Variants in CIDEA observed in about 807,000 individuals in gnomAD.
The protein encoded by CIDEA is lipid transferase CIDEA.
Under a neutral mutation model 18.2 loss-of-function variants are expected in CIDEA, and 10 were observed. The observed-to-expected ratio is 0.55, with a 90% CI of 0.34 to 0.93. The LOEUF (loss-of-function observed/expected upper bound fraction) is 0.93. CIDEA is among the 40% of genes least tolerant of loss of function. The probability of loss-of-function intolerance (pLI) is 0.02; values close to 1 mark genes in which losing one functional copy is unlikely to be tolerated. For synonymous variants in CIDEA, 128 were observed against 124.8 expected, an observed-to-expected ratio of 1.03 and a Z score of -0.17; for missense variants, 309 against 293.1, an observed-to-expected ratio of 1.05 and a Z score of -0.40.
At chr18:12,263,227 C>T (rs895254088) in intron 2 of CIDEA, among the ~76,000 whole-genome samples, 2 of 152,222 alleles carry the variant, frequency 1.3e-5, no homozygotes, top group African/African-American at 4.8e-5. Flanking sequence ...GATCCTCCCA[C>T]CTCAACCTCC....
intron 3 of CIDEA, among the ~76,000 whole-genome samples, chr18:12,265,384 C>T (rs762844567): frequency 2.0e-5 from 3 of 152,246 alleles, no homozygotes; most frequent in Non-Finnish European, 4.4e-5. Flanking sequence ...CCAGGCATCT[C>T]CTCTGGGGTT....
intron 3 of CIDEA, among the ~76,000 whole-genome samples, chr18:12,265,550 C>T (rs1912325322): frequency 6.6e-6 from 1 of 152,222 alleles, no homozygotes; most frequent in African/African-American, 2.4e-5. Flanking sequence ...ACAAGCTGCC[C>T]TCATGAGGGT....
chr18:12,270,894 C>CTTTTTTTTTTTTTTTTTTT (rs771335202), intron 3 of CIDEA, among the ~76,000 whole-genome samples: 62 of 59,986 alleles, frequency 1.0e-3, no homozygotes, highest in Non-Finnish European at 1.3e-3. Context: ...TTTTTCTTTT[C>CTTTTTTTTTTTTTTTTTTT]TTTTTTTTTT....
intron 3 of CIDEA, among the ~76,000 whole-genome samples, chr18:12,265,873 C>T (rs927284167): frequency 6.6e-6 from 1 of 152,060 alleles, no homozygotes; most frequent in Non-Finnish European, 1.5e-5. Flanking sequence ...CTGCCAGGAC[C>T]GCAGATGTTG....
chr18:12,273,900 G>T (rs1170996636), intron 3 of CIDEA, among the ~76,000 whole-genome samples, 193 bp from the exon 4 acceptor site: 1 of 152,216 alleles, frequency 6.6e-6, no homozygotes, highest in Non-Finnish European at 1.5e-5. Context: ...CAGACGCCTC[G>T]TGGCTAATTG....
intron 2 of CIDEA, chr18:12,263,486 G>A (rs1158950235): frequency 6.5e-6 from 1 of 152,752 alleles, no homozygotes; most frequent in Non-Finnish European, 1.5e-5. Flanking sequence ...GTAAAGGTTA[G>A]GTATAAATGA....
rs1912281533 is a variant in CIDEA, at chr18:12,264,339, G to T, written c.216G>T (p.Leu72=). ...TLDALVIATG[L]VTLVLEEDGT... ...ATGCCCTCGTCATCGCTACCGGACT[G>T]GTCACTCTGGTGCTGGAGGAAGATG... is the stretch of plus-strand genomic sequence containing the variant. Residue 72 remains leucine (L), a synonymous_variant, in exon 3 of 5, where the codon CTG becomes CTT. Coordinates refer to ENST00000320477, the MANE Select transcript of CIDEA (RefSeq NM_001279.4). The T allele has an allele frequency of 6.2e-7, 1 of 1,613,786 alleles. No homozygotes were observed. The highest frequency in any genetic ancestry group is 8.5e-7 in the Non-Finnish European group (1 of 1,179,856).
intron 3 of CIDEA, among the ~76,000 whole-genome samples, chr18:12,271,731 G>C (rs1912538520): frequency 6.6e-6 from 1 of 152,248 alleles, no homozygotes; most frequent in East Asian, 1.9e-4. Context: ...CGTTTCGGCT[G>C]CGCAACCACC....
chr18:12,258,189 C>T (rs534220936), intron 1 of CIDEA, among the ~76,000 whole-genome samples: 2 of 152,256 alleles, frequency 1.3e-5, no homozygotes, highest in South Asian at 2.1e-4. Context: ...TTTTCACTGA[C>T]GATGGCAATC....
At chr18:12,273,352 C>T (rs1019843156) in intron 3 of CIDEA, among the ~76,000 whole-genome samples, 3 of 151,794 alleles carry the variant, frequency 2.0e-5, no homozygotes, top group African/African-American at 7.3e-5. Flanking sequence ...TGGCACAAGC[C>T]ACTCAGAAAG....
At chr18:12,260,357 T>G (rs1293742632) in intron 1 of CIDEA, among the ~76,000 whole-genome samples, 1 of 134,736 alleles carries the variant, frequency 7.4e-6, no homozygotes, top group African/African-American at 2.5e-5. Context: ...TTTTTTCAAT[T>G]TATTTTTTGT....
chr18:12,256,462 G>A (rs1032525007), intron 1 of CIDEA, among the ~76,000 whole-genome samples: 5 of 152,180 alleles, frequency 3.3e-5, no homozygotes, highest in Admixed American at 6.5e-5. Context: ...AGGGGCCTTG[G>A]TCCTGAGGAA....
In CIDEA at chr18:12,277,150, C is replaced by T. The variant is rs756723423; in HGVS notation, c.540C>T (p.Ser180=). ...GTCTGCTGCGGTTCCTGTCCTACTC[C>T]GCCCAGGTGACGGGACAGTTTCTCA... ...LRSLLRFLSY[S]AQVTGQFLIY... The change falls in exon 5 of 5, where the codon TCC becomes TCT. Residue 180 remains serine (S), a synonymous_variant. Coordinates refer to ENST00000320477, the MANE Select transcript of CIDEA (RefSeq NM_001279.4). The T allele has an allele frequency of 1.5e-5, 25 of 1,614,072 alleles. No individual in the cohort carries two copies. The highest frequency in any genetic ancestry group is 2.2e-5 in the East Asian group (1 of 44,896).
Position 12,254,399 on chromosome 18 carries a change from G to A in CIDEA, c.16G>A (p.Asp6Asn). ...GATCCGCGCCATGGAGGCCGCCCGG[G>A]ACTATGCAGGAGCCCTCATCAGGCG... MEAAR[D>N]YAGALIRPLT... The change falls in exon 1 of 5, where the codon GAC becomes AAC. Residue 6 changes from aspartate (D) to asparagine (N), a missense_variant. By Grantham distance (23) the Asp-to-Asn change is conservative. Coordinates refer to ENST00000320477, the MANE Select transcript of CIDEA (RefSeq NM_001279.4). The A allele has an allele frequency of 6.4e-7, 1 of 1,569,070 alleles. No homozygotes were observed. The highest frequency in any genetic ancestry group is 1.2e-5 in the South Asian group (1 of 83,594).
intron 3 of CIDEA, among the ~76,000 whole-genome samples, chr18:12,265,504 A>G (rs984323669): frequency 6.6e-6 from 1 of 152,246 alleles, no homozygotes; most frequent in Non-Finnish European, 1.5e-5. Flanking sequence ...TGCGTAAAGC[A>G]GGGAATCTTA....
At chr18:12,269,564 A>T (rs1040934036) in intron 3 of CIDEA, among the ~76,000 whole-genome samples, 1 of 152,228 alleles carries the variant, frequency 6.6e-6, no homozygotes, top group Non-Finnish European at 1.5e-5. Flanking sequence ...ATGATTTTGT[A>T]ACAGCAGGCG....
chr18:12,259,922 C>A (rs1290852477), intron 1 of CIDEA, among the ~76,000 whole-genome samples: 1 of 152,156 alleles, frequency 6.6e-6, no homozygotes, highest in East Asian at 1.9e-4. Context: ...TAATACACTG[C>A]TGGCCATGGT....
intron 4 of CIDEA, among the ~76,000 whole-genome samples, chr18:12,275,053 T>C (rs957230810): frequency 3.9e-5 from 6 of 152,240 alleles, no homozygotes; most frequent in African/African-American, 1.2e-4. Context: ...TCAGGCATGG[T>C]GGCTCACACC....
At chr18:12,258,558 G>T (rs968320815) in intron 1 of CIDEA, among the ~76,000 whole-genome samples, 6 of 152,226 alleles carry the variant, frequency 3.9e-5, no homozygotes, top group African/African-American at 9.6e-5. Flanking sequence ...GCAAGACTGT[G>T]GTGACTTCCT....
Sources: gnomAD v4.1 joint callset for allele counts (sites outside exome capture counted in the v4.1 genomes callset) on GRCh38, gnomAD v4.1.1 for gene constraint, MANE v1.5 for transcripts, NCBI Gene and HGNC (gene_info 2026-07-23, HGNC 2026-07-21) for gene names.